TTC16: variants seen among roughly 807,000 people sequenced by gnomAD.
The protein encoded by TTC16 is tetratricopeptide repeat domain 16.
A neutral mutation model predicts 80.4 loss-of-function variants in TTC16; 66 were observed. The observed-to-expected ratio is 0.82, with a 90% CI of 0.67 to 1.01. The LOEUF (loss-of-function observed/expected upper bound fraction) is 1.01, where lower values mean the gene tolerates loss of function less well. Ranked by LOEUF, TTC16 falls within the 50% of genes least tolerant of loss-of-function variation. The pLI, the probability that TTC16 is intolerant of heterozygous loss-of-function variation, is 0.00. For missense variants in TTC16, 1,070 were observed against 1,103.2 expected (o/e 0.97, Z 0.43); for synonymous variants, 438 against 451.3 (o/e 0.97, Z 0.37).
chr9:127,717,151 G>T, intron 2 of TTC16, 135 bp downstream of exon 2: 1 of 1,314,514 alleles, frequency 7.6e-7, no homozygotes. Context: ...CCACCTCAGT[G>T]GGAACGAGGC....
intron 12 of TTC16, chr9:127,728,918 C>G (rs1241416227): frequency 6.6e-6 from 1 of 152,372 alleles, no homozygotes; most frequent in Non-Finnish European, 1.5e-5. Context: ...GCCCCCTCCC[C>G]CAGGGAGACG....
chr9:127,716,933 T>C lies in TTC16; in HGVS notation c.108T>C (p.Phe36=), dbSNP rs1032188374. The change falls in exon 2 of 14, where the codon TTT becomes TTC. Residue 36 remains phenylalanine (F), a synonymous_variant. Coordinates refer to ENST00000373289, the MANE Select transcript of TTC16 (RefSeq NM_144965.3). Reference sequence around the variant, plus strand: ...CCAAAGGGATCCTGCAGCACATCTTTGGGACCAGCCACGTGTTCCAAAGCA... The same window carrying C: ...CCAAAGGGATCCTGCAGCACATCTTCGGGACCAGCCACGTGTTCCAAAGCA... The part of the protein sequence containing the change: ...PAPKGILQHI[F]GTSHVFQSIC... 1 of 1,613,986 alleles carries C rather than the reference T, an allele frequency of 6.2e-7. No homozygotes were observed. Among genetic ancestry groups the C allele is most frequent in the Non-Finnish European group, 8.5e-7 (1 of 1,180,016 alleles).
At position 127,717,401 on chromosome 9, in the gene TTC16, G is replaced by A. The variant is rs200187126; in HGVS notation, c.259G>A (p.Ala87Thr). The A allele has an allele frequency of 8.7e-6, 14 of 1,613,320 alleles. No individual in the cohort carries two copies. Among genetic ancestry groups the A allele is most frequent in the South Asian group, 5.5e-5 (5 of 91,072 alleles). ...WETAVLLFSR[A>T]LHLDPQLVDF... Reference sequence around the variant, plus strand: ...GACAGCTGTGCTGCTCTTCTCCCGCGCACTCCACCTGGACCCACAGCTGGT... The same window carrying A: ...GACAGCTGTGCTGCTCTTCTCCCGCACACTCCACCTGGACCCACAGCTGGT... Residue 87 changes from alanine to threonine, a missense_variant, in exon 3 of 14, where the codon GCA becomes ACA. Physicochemically the swap from Ala to Thr is moderately conservative, Grantham distance 58. Coordinates refer to ENST00000373289, the MANE Select transcript of TTC16 (RefSeq NM_144965.3).
At position 127,722,674 on chromosome 9, in the gene TTC16, G is replaced by C. The variant is rs978221243; in HGVS notation, c.658-445G>C. 6.6e-6 allele frequency among the ~76,000 whole-genome samples: 1 copy of C among 152,090 alleles called. No individual in the cohort carries two copies. Among genetic ancestry groups the C allele is most frequent in the African/African-American group, 2.4e-5 (1 of 41,394 alleles). On this transcript the variant is annotated intron_variant, in intron 6 of 13. Coordinates refer to ENST00000373289, the MANE Select transcript of TTC16 (RefSeq NM_144965.3). This position sits in a 1 kb window ranked among gnomAD's most constrained non-coding sequence, Gnocchi z 4.2. The stretch of plus-strand genomic sequence containing the variant: ...CTGTCTCCTTCAAGAGGCAGAAAGG[G>C]GCCAGGCATGGAGACTCAAACCTGT...
chr9:127,724,031 C>G (rs557366886), intron 7 of TTC16, 89 bp from the exon 8 acceptor site: 23 of 1,446,810 alleles, frequency 1.6e-5, no homozygotes, highest in Non-Finnish European at 1.9e-5. Flanking sequence ...GGCCCAGAGC[C>G]GGCAGTGGCT....
At chr9:127,720,531 T>TG (rs1184413689) in intron 6 of TTC16, 136 bp downstream of exon 6, 17 of 1,171,348 alleles carry the variant, frequency 1.5e-5, no homozygotes, top group Middle Eastern at 2.5e-4. Flanking sequence ...CTGTCCTCCC[T>TG]GGGAAGAGGC....
At chr9:127,719,946 C>A in intron 4 of TTC16, 132 bp from the exon 5 acceptor site, 1 of 726,968 alleles carries the variant, frequency 1.4e-6, no homozygotes, top group Non-Finnish European at 2.4e-6. Context: ...CTCTTCAAGT[C>A]TCTGCCAGAT....
Position 127,716,927 on chromosome 9 carries a change from C to T in TTC16, c.102C>T (p.His34=). 1 of 1,614,106 alleles carries T rather than the reference C, an allele frequency of 6.2e-7. No individual in the cohort carries two copies. Among genetic ancestry groups the T allele is most frequent in the Non-Finnish European group, 8.5e-7 (1 of 1,180,012 alleles). ...VIPAPKGILQ[H]IFGTSHVFQS... ...CAGCCCCCAAAGGGATCCTGCAGCA[C>T]ATCTTTGGGACCAGCCACGTGTTCC... The change falls in exon 2 of 14, where the codon CAC becomes CAT. Residue 34 remains histidine, a synonymous_variant. Transcript: ENST00000373289.
chr9:127,730,578 G>C, intron 13 of TTC16, 58 bp from the exon 14 acceptor site: 1 of 1,570,808 alleles, frequency 6.4e-7, no homozygotes, highest in Non-Finnish European at 8.6e-7. Flanking sequence ...CCTTTTCCCA[G>C]AGCTGTCCAG....
In TTC16 at chr9:127,731,324, G is replaced by C. The variant is rs1844403388; in HGVS notation, c.2541G>C (p.Lys847Asn). ...AGGGCATGAGCTCAACTTCCAGCAA[G>C]GCCGAGTCCACCTGGGGACCCAGCC... ...KSQGMSSTSSKAESTWGPSPS... is the reference protein window; with the variant it reads ...KSQGMSSTSSNAESTWGPSPS... Residue 847 changes from lysine to asparagine, a missense_variant, in exon 14 of 14, where the codon AAG (lysine) becomes AAC (asparagine). Lys to Asn is a moderately conservative substitution (Grantham distance 94). Coordinates refer to ENST00000373289, the MANE Select transcript of TTC16 (RefSeq NM_144965.3). 6.2e-7 allele frequency: 1 copy of C among 1,613,088 alleles called. No individual in the cohort carries two copies. The highest frequency in any genetic ancestry group is 2.2e-5 in the East Asian group (1 of 44,886).
chr9:127,724,391 G>C, intron 8 of TTC16, 27 bp downstream of exon 8: 1 of 1,587,312 alleles, frequency 6.3e-7, no homozygotes, highest in Non-Finnish European at 8.6e-7. Context: ...GCACTGGGGA[G>C]GGGGGGTGCG....
intron 10 of TTC16, 48 bp downstream of exon 10, chr9:127,726,452 T>A: frequency 6.8e-7 from 1 of 1,472,260 alleles, no homozygotes; most frequent in Non-Finnish European, 9.1e-7. Context: ...TCATGCCCGG[T>A]GCATAAAGAT....
At chr9:127,725,782 T>C (rs1289920695) in intron 9 of TTC16, among the ~76,000 whole-genome samples, 3 of 151,848 alleles carry the variant, frequency 2.0e-5, no homozygotes, top group Non-Finnish European at 2.9e-5. Flanking sequence ...GTATTTTTAG[T>C]AGAGACAGGG....
Position 127,731,323 on chromosome 9 carries a change from A to G in TTC16, c.2540A>G (p.Lys847Arg), listed in dbSNP as rs1290116328. The G allele has an allele frequency of 6.2e-7, 1 of 1,613,102 alleles. No homozygotes were observed. Residue 847 changes from lysine to arginine, a missense_variant, in exon 14 of 14, where the codon AAG becomes AGG. Coordinates refer to ENST00000373289, the MANE Select transcript of TTC16 (RefSeq NM_144965.3). ...CAGGGCATGAGCTCAACTTCCAGCA[A>G]GGCCGAGTCCACCTGGGGACCCAGC... ...KSQGMSSTSS[K>R]AESTWGPSPS...
In TTC16 at chr9:127,729,764, G is replaced by A. The variant is rs566675920; in HGVS notation, c.1852+96G>A. 2.0e-5 allele frequency: 22 copies of A among 1,119,298 alleles called. No homozygotes were observed. In the African/African-American group the frequency reaches 2.2e-4, roughly 11 times the overall value. The allele number at this position is 1,119,298 out of a possible 1,614,324, so 69.3% of individuals were successfully genotyped here. ...AGACCGCTGGCCTAGGTGTGCGTTC[G>A]GCCCCGCTGCTGACAGCTGGGTGGC... On this transcript the variant is annotated intron_variant, in intron 13 of 13. Transcript: ENST00000373289.
Position 127,731,483 on chromosome 9 carries a change from C to G in TTC16, c.*78C>G. On this transcript the variant is annotated 3_prime_UTR_variant, in exon 14 of 14. Transcript: ENST00000373289. ...CCTCCCCACACTGGCACTCAGCCAGCTGCCTCCTTCCAGAGCAATTAAAAG... is the reference window on the plus strand; with the variant it reads ...CCTCCCCACACTGGCACTCAGCCAGGTGCCTCCTTCCAGAGCAATTAAAAG... 2.0e-6 allele frequency: 3 copies of G among 1,524,292 alleles called. No individual in the cohort carries two copies. Among genetic ancestry groups the G allele is most frequent in the Non-Finnish European group, 2.6e-6 (3 of 1,138,190 alleles). 94.4% of individuals were successfully genotyped at this position (1,524,292 alleles called of 1,614,324 possible).
chr9:127,717,456 T>C (rs758312442), intron 3 of TTC16, 32 bp downstream of exon 3: 2 of 1,598,924 alleles, frequency 1.3e-6, no homozygotes, highest in Non-Finnish European at 1.7e-6. Flanking sequence ...GCACAGGCAG[T>C]TGCTGGAACA....
In TTC16 at chr9:127,730,913, C is replaced by A. The variant is rs1417665981; in HGVS notation, c.2130C>A (p.Thr710=). The change falls in exon 14 of 14, where the codon ACC becomes ACA. Residue 710 remains threonine (T), a synonymous_variant. Transcript: ENST00000373289. ...ATIHKRNSSK[T]KATQSQRRNS... ...TACACAAGAGGAACTCCAGCAAGAC[C>A]AAGGCCACCCAAAGCCAGAGGCGGA... 1 of 1,612,246 alleles carries A rather than the reference C, an allele frequency of 6.2e-7. No homozygotes were observed. The highest frequency in any genetic ancestry group is 1.3e-5 in the African/African-American group (1 of 74,332).
In TTC16 at chr9:127,722,190, T is replaced by C. The variant is rs894443655; in HGVS notation, c.658-929T>C. Among the ~76,000 whole-genome samples the C allele has an allele frequency of 6.6e-6, 1 of 152,174 alleles. No homozygotes were observed. The highest frequency in any genetic ancestry group is 2.4e-5 in the African/African-American group (1 of 41,448). On this transcript the variant is annotated intron_variant, in intron 6 of 13. Coordinates refer to ENST00000373289, the MANE Select transcript of TTC16 (RefSeq NM_144965.3). The surrounding 1 kb of genome is among the most constrained non-coding windows in gnomAD (Gnocchi z 4.2). ...ATTGCCTGGAGCCCAAGGCTGCTTA[T>C]GCCGAAGCCCTGCCCCTAGCTCCTG... is the stretch of plus-strand genomic sequence containing the variant.
Sources: allele counts gnomAD v4.1 joint callset (sites outside exome capture counted in the v4.1 genomes callset), GRCh38; gene constraint gnomAD v4.1.1; non-coding constraint Gnocchi (gnomAD v3.1); transcripts MANE v1.5; gene names NCBI Gene and HGNC (gene_info 2026-07-23, HGNC 2026-07-21).